CADM2: variants seen among roughly 807,000 people sequenced by gnomAD.
CADM2 encodes the protein immunoglobulin superfamily member 4D.
Under a neutral mutation model 49.8 loss-of-function variants are expected in CADM2, and 12 were observed. The observed-to-expected ratio is 0.24, with a 90% CI of 0.15 to 0.39. CADM2 has a LOEUF of 0.39. Ranked by LOEUF, CADM2 falls within the 10% of genes least tolerant of loss-of-function variation. The pLI, the probability that CADM2 is intolerant of heterozygous loss-of-function variation, is 1.00. For synonymous variants in CADM2, 214 were observed against 175.4 expected, an observed-to-expected ratio of 1.22 and a Z score of -1.74; for missense variants, 378 against 492.3, an observed-to-expected ratio of 0.77 and a Z score of 2.20.
intron 1 of CADM2, among the ~76,000 whole-genome samples, chr3:85,660,215 G>T (rs746785639): frequency 6.6e-6 from 1 of 152,048 alleles, no homozygotes; most frequent in Non-Finnish European, 1.5e-5. Flanking sequence ...ATTTGAGTTC[G>T]TTGAGGTCTT....
At chr3:85,234,584 T>C (rs2042370164) in intron 1 of CADM2, among the ~76,000 whole-genome samples, 1 of 152,192 alleles carries the variant, frequency 6.6e-6, no homozygotes, top group South Asian at 2.1e-4. Context: ...CCTTGAGAAT[T>C]GCCAACTGCT....
intron 1 of CADM2, among the ~76,000 whole-genome samples, chr3:85,165,557 A>T (rs1390897802): frequency 4.6e-5 from 7 of 151,826 alleles, no homozygotes; most frequent in African/African-American, 1.2e-4. Context: ...TTTCATAGTG[A>T]CTTACACTTT....
At chr3:85,613,657 T>C (rs1349120225) in intron 1 of CADM2, among the ~76,000 whole-genome samples, 1 of 151,640 alleles carries the variant, frequency 6.6e-6, no homozygotes, top group Admixed American at 6.6e-5. Flanking sequence ...AATTTATTTT[T>C]ATACCTTGTT....
intron 1 of CADM2, among the ~76,000 whole-genome samples, chr3:85,583,728 A>G (rs1269446877): frequency 6.6e-6 from 1 of 152,134 alleles, no homozygotes; most frequent in East Asian, 1.9e-4. Flanking sequence ...ATTTATGAAT[A>G]GTATCTGTTC....
At chr3:85,647,197 A>G (rs2107570331) in intron 1 of CADM2, among the ~76,000 whole-genome samples, 1 of 151,978 alleles carries the variant, frequency 6.6e-6, no homozygotes, top group Non-Finnish European at 1.5e-5. Flanking sequence ...TTTGTCATGT[A>G]CATTTTCTTG....
chr3:85,905,302 A>G (rs1171841439), intron 5 of CADM2, among the ~76,000 whole-genome samples: 1 of 152,162 alleles, frequency 6.6e-6, no homozygotes, highest in Non-Finnish European at 1.5e-5. Flanking sequence ...CTAATTCCAA[A>G]TATTTTGTCA....
chr3:86,034,641 G>A (rs1734944809), intron 8 of CADM2, among the ~76,000 whole-genome samples: 1 of 152,096 alleles, frequency 6.6e-6, no homozygotes, highest in East Asian at 1.9e-4. Context: ...ATGTTGTAGA[G>A]AGGTAAACTC....
At chr3:85,658,594 ATATATATATATATATAT>A (rs2065286974) in intron 1 of CADM2, among the ~76,000 whole-genome samples, 1 of 138,028 alleles carries the variant, frequency 7.2e-6, no homozygotes, top group Non-Finnish European at 1.6e-5. Flanking sequence ...ATATATATAT[ATATATATATATATATAT>A]ATATATACAT....
intron 2 of CADM2, among the ~76,000 whole-genome samples, chr3:85,754,805 A>G (rs2069030680): frequency 6.6e-6 from 1 of 152,328 alleles, no homozygotes; most frequent in South Asian, 2.1e-4. Context: ...AAAGAAACTA[A>G]CATTTTAACA....
At chr3:85,477,539 G>A (rs2039028106) in intron 1 of CADM2, among the ~76,000 whole-genome samples, 2 of 151,778 alleles carry the variant, frequency 1.3e-5, no homozygotes, top group Admixed American at 1.3e-4. Context: ...TATTTTCCCT[G>A]TTCTCATACG....
chr3:85,569,754 T>A (rs1448339847), intron 1 of CADM2, among the ~76,000 whole-genome samples: 4 of 145,158 alleles, frequency 2.8e-5, no homozygotes, highest in African/African-American at 1.0e-4. Flanking sequence ...GAAATTAGAG[T>A]CAATGATGTA....
chr3:85,656,097 G>A (rs2065188543), intron 1 of CADM2, among the ~76,000 whole-genome samples: 1 of 152,062 alleles, frequency 6.6e-6, no homozygotes, highest in Admixed American at 6.6e-5. Flanking sequence ...TGGAGTGAAT[G>A]AAATATCAGG....
chr3:85,031,041 A>G (rs2034956794), intron 1 of CADM2, among the ~76,000 whole-genome samples: 1 of 152,150 alleles, frequency 6.6e-6, no homozygotes, highest in Non-Finnish European at 1.5e-5. Flanking sequence ...GTGTGAGGTT[A>G]ATGTTGAAGA....
chr3:86,042,633 T>C (rs1394188969), intron 8 of CADM2, among the ~76,000 whole-genome samples: 16 of 151,508 alleles, frequency 1.1e-4, no homozygotes, highest in Non-Finnish European at 2.4e-4. Flanking sequence ...GATTCACAGC[T>C]GAATTCTACC....
At chr3:85,085,889 G>A (rs2037350299) in intron 1 of CADM2, among the ~76,000 whole-genome samples, 1 of 152,042 alleles carries the variant, frequency 6.6e-6, no homozygotes, top group Non-Finnish European at 1.5e-5. Flanking sequence ...TCACCTGGGA[G>A]TATTTAAAGA....
Position 86,072,273 on chromosome 3 carries a change from A to G in CADM2, c.*5490A>G, listed in dbSNP as rs950174154. The G allele has an allele frequency of 6.6e-6, 1 of 151,798 alleles. No individual in the cohort carries two copies. Among genetic ancestry groups the G allele is most frequent in the Non-Finnish European group, 1.5e-5 (1 of 67,876 alleles). The allele number at this position is 151,798 out of a possible 1,614,324, so 9.4% of individuals were successfully genotyped here. ...TCAATAATATTTGGTTGATCTTCAC[A>G]TATTTTATATGCATATATATATCAA... is the stretch of plus-strand genomic sequence containing the variant. On this transcript the variant is annotated 3_prime_UTR_variant, in exon 10 of 10. Transcript: ENST00000383699.
chr3:85,763,377 A>G (rs543996609), intron 2 of CADM2, among the ~76,000 whole-genome samples: 3 of 152,282 alleles, frequency 2.0e-5, no homozygotes, highest in South Asian at 4.1e-4. Context: ...TCACTGTTGT[A>G]TGGCACTTTA....
At chr3:85,784,111 T>C (rs891769669) in intron 2 of CADM2, among the ~76,000 whole-genome samples, 1 of 152,196 alleles carries the variant, frequency 6.6e-6, no homozygotes, top group African/African-American at 2.4e-5. Context: ...TCAAAAGTAA[T>C]AGTTGTATTC....
intron 1 of CADM2, among the ~76,000 whole-genome samples, chr3:85,053,565 T>G (rs553832943): frequency 6.6e-6 from 1 of 152,086 alleles, no homozygotes; most frequent in East Asian, 1.9e-4. Flanking sequence ...GAATAATTTT[T>G]GGCAAATGAG....
Sources: gnomAD v4.1 joint callset for allele counts (sites outside exome capture counted in the v4.1 genomes callset) on GRCh38, gnomAD v4.1.1 for gene constraint, MANE v1.5 for transcripts, NCBI Gene and HGNC (gene_info 2026-07-23, HGNC 2026-07-21) for gene names.